CSTPP1: variants seen among roughly 807,000 people sequenced by gnomAD.
CSTPP1 encodes centriolar satellite-associated tubulin polyglutamylase complex regulator 1.
At chr11:46,947,241 C>G in the CSTPP1 span, among the ~76,000 whole-genome samples, 1 of 152,174 alleles carries the variant, frequency 6.6e-6, no homozygotes, top group Non-Finnish European at 1.5e-5. Flanking sequence ...GAGTGATATG[C>G]TTTGATTAAG....
the CSTPP1 span, among the ~76,000 whole-genome samples, chr11:47,085,458 T>A: frequency 6.4e-3 from 978 of 152,262 alleles, 9 homozygotes; most frequent in African/African-American, 0.023. Context: ...GTCTTCTCTG[T>A]CAAAGAGGAT....
chr11:47,072,165 C>T, the CSTPP1 span, among the ~76,000 whole-genome samples: 2 of 152,226 alleles, frequency 1.3e-5, no homozygotes, highest in Admixed American at 1.3e-4. Context: ...CAGTCAGTCG[C>T]ACCCAGTTGG....
chr11:46,977,092 C>T, the CSTPP1 span, among the ~76,000 whole-genome samples: 5 of 152,304 alleles, frequency 3.3e-5, no homozygotes, highest in South Asian at 6.2e-4. Flanking sequence ...GATTTGCAAG[C>T]GGAGTGTGTA....
the CSTPP1 span, among the ~76,000 whole-genome samples, chr11:47,066,078 T>G: frequency 1.5e-4 from 22 of 145,666 alleles, no homozygotes; most frequent in Non-Finnish European, 4.5e-5. Flanking sequence ...TCTTTCTAAT[T>G]TGGATGCCTT....
At chr11:47,019,906 G>A in the CSTPP1 span, among the ~76,000 whole-genome samples, 1 of 151,908 alleles carries the variant, frequency 6.6e-6, no homozygotes, top group African/African-American at 2.4e-5. Flanking sequence ...AATAAAACAA[G>A]GTATGCCTGT....
At chr11:47,018,994 T>C in the CSTPP1 span, among the ~76,000 whole-genome samples, 1 of 152,176 alleles carries the variant, frequency 6.6e-6, no homozygotes, top group African/African-American at 2.4e-5. Context: ...CTCAGTGTTA[T>C]ATACAGAGCA....
At chr11:46,962,903 G>A in the CSTPP1 span, among the ~76,000 whole-genome samples, 9 of 152,022 alleles carry the variant, frequency 5.9e-5, no homozygotes, top group South Asian at 1.5e-3. Flanking sequence ...GCAGGGAGCC[G>A]TGTTCACATT....
chr11:47,032,715 G>A, the CSTPP1 span, among the ~76,000 whole-genome samples: 1 of 152,044 alleles, frequency 6.6e-6, no homozygotes, highest in African/African-American at 2.4e-5. Context: ...TCAGATCCCT[G>A]TGAATTGGAC....
chr11:46,965,495 G>T, the CSTPP1 span, among the ~76,000 whole-genome samples: 34 of 152,154 alleles, frequency 2.2e-4, no homozygotes, highest in Non-Finnish European at 4.3e-4. Flanking sequence ...AAAGTGTTAG[G>T]ATTACAGGCA....
chr11:47,126,557 A>G, the CSTPP1 span, among the ~76,000 whole-genome samples: 1 of 152,118 alleles, frequency 6.6e-6, no homozygotes, highest in Non-Finnish European at 1.5e-5. Context: ...TCTTGAACCC[A>G]AGGAATTCCA....
the CSTPP1 span, among the ~76,000 whole-genome samples, chr11:46,944,495 G>A: frequency 6.6e-6 from 1 of 152,088 alleles, no homozygotes; most frequent in Non-Finnish European, 1.5e-5. Flanking sequence ...CCTACACTGG[G>A]GAGGGGAGGG....
At chr11:47,098,407 T>A in the CSTPP1 span, among the ~76,000 whole-genome samples, 25 of 152,016 alleles carry the variant, frequency 1.6e-4, no homozygotes, top group African/African-American at 6.0e-4. Flanking sequence ...GAAGGCCTCT[T>A]CATCTTGTCT....
chr11:46,981,977 G>A, the CSTPP1 span, among the ~76,000 whole-genome samples: 1 of 151,616 alleles, frequency 6.6e-6, no homozygotes, highest in African/African-American at 2.4e-5. Context: ...AAATTTTAGA[G>A]GTCTATTAAC....
chr11:47,014,134 A>G, the CSTPP1 span, among the ~76,000 whole-genome samples: 1 of 152,030 alleles, frequency 6.6e-6, no homozygotes, highest in Non-Finnish European at 1.5e-5. Context: ...TCAAGGCTGC[A>G]ATTAGCCATG....
the CSTPP1 span, among the ~76,000 whole-genome samples, chr11:47,103,037 G>A: frequency 6.9e-5 from 10 of 145,202 alleles, no homozygotes; most frequent in Non-Finnish European, 1.3e-4. Flanking sequence ...TGGCCCCAAA[G>A]GCATACTTTG....
At chr11:46,977,447 G>A in the CSTPP1 span, among the ~76,000 whole-genome samples, 5 of 152,176 alleles carry the variant, frequency 3.3e-5, no homozygotes, top group Non-Finnish European at 7.4e-5. Context: ...CCCATTTAGA[G>A]ACCTATTATG....
chr11:47,090,407 A>G, the CSTPP1 span, among the ~76,000 whole-genome samples: 1 of 152,194 alleles, frequency 6.6e-6, no homozygotes, highest in Non-Finnish European at 1.5e-5. Context: ...TTAGGAAGTC[A>G]AGTAAGTTTG....
At chr11:47,054,432 C>G in the CSTPP1 span, among the ~76,000 whole-genome samples, 272 of 152,074 alleles carry the variant, frequency 1.8e-3, 2 homozygotes, top group African/African-American at 6.3e-3. Flanking sequence ...CTAACTCAGC[C>G]TCCCAACTAG....
the CSTPP1 span, among the ~76,000 whole-genome samples, chr11:46,940,687 A>G: frequency 1.3e-5 from 2 of 152,174 alleles, no homozygotes; most frequent in African/African-American, 4.8e-5. Flanking sequence ...ATATATAGAG[A>G]GAGAGCTTAA....
Sources: allele counts gnomAD v4.1 joint callset (sites outside exome capture counted in the v4.1 genomes callset), GRCh38; gene constraint gnomAD v4.1.1; transcripts MANE v1.5; gene names NCBI Gene and HGNC (gene_info 2026-07-23, HGNC 2026-07-21).